Variants in MDGA2 observed in about 807,000 individuals in gnomAD.
MDGA2 encodes the protein MAM domain containing glycosylphosphatidylinositol anchor 2, also known as MAM domain-containing glycosylphosphatidylinositol anchor protein 2.
A neutral mutation model predicts 117.8 loss-of-function variants in MDGA2; 40 were observed. The ratio of observed to expected loss-of-function variants is 0.34; its 90% confidence interval spans 0.26 to 0.44. The LOEUF (loss-of-function observed/expected upper bound fraction) is 0.44, where lower values mean the gene tolerates loss of function less well. MDGA2 is among the 20% of genes least tolerant of loss of function. MDGA2 has a pLI of 1.00. For synonymous variants in MDGA2, 452 were observed against 439.0 expected (o/e 1.03, Z -0.37); for missense variants, 1,123 against 1,250.6 (o/e 0.90, Z 1.54).
chr14:47,223,041 T>C (rs561791529), intron 2 of MDGA2, among the ~76,000 whole-genome samples: 2 of 152,320 alleles, frequency 1.3e-5, no homozygotes, highest in East Asian at 1.9e-4. Context: ...TAAAAGGCAC[T>C]TCTTACATGG....
intron 1 of MDGA2, among the ~76,000 whole-genome samples, chr14:47,333,746 A>G (rs1226800139): frequency 3.2e-5 from 3 of 93,970 alleles, no homozygotes; most frequent in Non-Finnish European, 7.4e-5. Flanking sequence ...ATAAAATAAG[A>G]TAATTTCACA....
intron 8 of MDGA2, 115 bp downstream of exon 8, chr14:47,034,896 G>A: frequency 4.6e-6 from 4 of 875,742 alleles, no homozygotes; most frequent in South Asian, 1.7e-5. Flanking sequence ...ATGTAGAAAT[G>A]TAGAAATAGT....
chr14:47,529,159 T>C (rs1312879604), intron 1 of MDGA2, among the ~76,000 whole-genome samples: 1 of 151,936 alleles, frequency 6.6e-6, no homozygotes. Context: ...CCACCACACC[T>C]GGCTAATTTT....
chr14:46,980,339 G>A (rs1886623191), intron 8 of MDGA2, among the ~76,000 whole-genome samples: 1 of 152,156 alleles, frequency 6.6e-6, no homozygotes. Context: ...CTGAACTGCT[G>A]CAATCTCACA....
At chr14:47,293,877 T>C (rs1488954379) in intron 2 of MDGA2, among the ~76,000 whole-genome samples, 1 of 152,140 alleles carries the variant, frequency 6.6e-6, no homozygotes, top group Non-Finnish European at 1.5e-5. Context: ...AGGAGTATGT[T>C]AAAGTGTTGA....
intron 2 of MDGA2, among the ~76,000 whole-genome samples, chr14:47,299,975 T>C (rs1425392681): frequency 6.6e-6 from 1 of 152,222 alleles, no homozygotes; most frequent in Non-Finnish European, 1.5e-5. Flanking sequence ...ACCAACAGCA[T>C]GAGTTTTATT....
At chr14:47,539,409 G>C (rs1895291859) in intron 1 of MDGA2, among the ~76,000 whole-genome samples, 1 of 152,156 alleles carries the variant, frequency 6.6e-6, no homozygotes, top group Non-Finnish European at 1.5e-5. Flanking sequence ...GATGTACAAA[G>C]GAGAAACACT....
intron 6 of MDGA2, among the ~76,000 whole-genome samples, chr14:47,066,690 A>C (rs1311784728): frequency 2.0e-5 from 3 of 150,858 alleles, no homozygotes; most frequent in East Asian, 4.0e-4. Flanking sequence ...GCAAATATGG[A>C]TAATTACTCA....
chr14:47,537,573 T>TAAA lies in MDGA2; in HGVS notation c.280+136943_280+136944insTTT, dbSNP rs1566504353. Among the ~76,000 whole-genome samples the TAAA allele has an allele frequency of 5.4e-4, 31 of 57,104 alleles. 3 individuals are homozygous for TAAA. The highest frequency in any genetic ancestry group is 6.2e-4 in the Non-Finnish European group (18 of 29,086). 37.5% of individuals were successfully genotyped at this position (57,104 alleles called of 152,430 possible). A position where few individuals can be genotyped will look rare whatever the true frequency, so the allele number is the denominator to read the frequency against. The stretch of plus-strand genomic sequence containing the variant: ...ATTATCCACTGTTACCTTCTCTCTG[T>TAAA]TAAAAAAAAAAAAAAAAAAAAAAAA... On this transcript the variant is annotated intron_variant, in intron 1 of 16. Transcript: ENST00000399232.
chr14:47,458,042 G>A (rs571785247), intron 1 of MDGA2, among the ~76,000 whole-genome samples: 6 of 148,380 alleles, frequency 4.0e-5, no homozygotes, highest in Non-Finnish European at 7.4e-5. Flanking sequence ...ATGATATCCT[G>A]GTTAATGACA....
intron 8 of MDGA2, among the ~76,000 whole-genome samples, chr14:46,990,892 A>ACG (rs1365175260): frequency 2.7e-5 from 4 of 146,472 alleles, no homozygotes; most frequent in Non-Finnish European, 4.5e-5. Context: ...ACACACACAC[A>ACG]CACACACACC....
At chr14:47,511,830 A>C (rs1317719248) in intron 1 of MDGA2, among the ~76,000 whole-genome samples, 1 of 152,188 alleles carries the variant, frequency 6.6e-6, no homozygotes, top group Non-Finnish European at 1.5e-5. Context: ...CATTGAATTG[A>C]GGAGAAAGGA....
chr14:46,868,101 G>A (rs1284507054), intron 14 of MDGA2, among the ~76,000 whole-genome samples: 1 of 151,878 alleles, frequency 6.6e-6, no homozygotes, highest in Non-Finnish European at 1.5e-5. Context: ...AGAATCAAAT[G>A]TAAATAAATC....
intron 1 of MDGA2, among the ~76,000 whole-genome samples, chr14:47,546,955 T>C (rs1895475102): frequency 1.3e-5 from 2 of 152,174 alleles, no homozygotes; most frequent in African/African-American, 4.8e-5. Flanking sequence ...CAGTAACTTA[T>C]TTTAACCAAG....
At chr14:47,288,587 C>A (rs191692197) in intron 2 of MDGA2, among the ~76,000 whole-genome samples, 1 of 152,070 alleles carries the variant, frequency 6.6e-6, no homozygotes, top group East Asian at 1.9e-4. Context: ...CAAGAAGGGG[C>A]CAGGTTGTAG....
chr14:46,886,075 CA>C (rs1250262624), intron 10 of MDGA2, among the ~76,000 whole-genome samples: 1 of 151,994 alleles, frequency 6.6e-6, no homozygotes, highest in African/African-American at 2.4e-5. Flanking sequence ...GCACAAGACA[CA>C]AAGAAATATA....
chr14:47,287,468 T>C (rs1007505749), intron 2 of MDGA2, among the ~76,000 whole-genome samples: 3 of 152,174 alleles, frequency 2.0e-5, no homozygotes, highest in African/African-American at 7.2e-5. Flanking sequence ...ATGTGATGTT[T>C]TGATATATGT....
chr14:47,050,930 T>C (rs1038798953), intron 7 of MDGA2, among the ~76,000 whole-genome samples: 1 of 151,940 alleles, frequency 6.6e-6, no homozygotes, highest in African/African-American at 2.4e-5. Context: ...TCTGATAATC[T>C]TGTGCCCCAT....
At chr14:47,660,910 C>T (rs908429850) in intron 1 of MDGA2, among the ~76,000 whole-genome samples, 3 of 151,988 alleles carry the variant, frequency 2.0e-5, no homozygotes, top group African/African-American at 7.2e-5. Flanking sequence ...AGAGAGAGTC[C>T]TCAGTATGGG....
Sources: gnomAD v4.1 joint callset for allele counts (sites outside exome capture counted in the v4.1 genomes callset) on GRCh38, gnomAD v4.1.1 for gene constraint, MANE v1.5 for transcripts, NCBI Gene and HGNC (gene_info 2026-07-23, HGNC 2026-07-21) for gene names.